The following CIMIP6 variants were observed in gnomAD, a reference collection of about 807,000 sequenced individuals.
CIMIP6 encodes the protein uncharacterized protein C2orf73.
the CIMIP6 span, among the ~76,000 whole-genome samples, chr2:54,371,927 C>T: frequency 6.6e-6 from 1 of 152,150 alleles, no homozygotes; most frequent in African/African-American, 2.4e-5. Context: ...GGGTCTGGGT[C>T]CTTTATCTGT....
At chr2:54,374,520 G>C in the CIMIP6 span, among the ~76,000 whole-genome samples, 2 of 152,188 alleles carry the variant, frequency 1.3e-5, no homozygotes, top group African/African-American at 4.8e-5. Context: ...AATGCTTACA[G>C]AACCAATAAT....
chr2:54,378,627 A>G, the CIMIP6 span, among the ~76,000 whole-genome samples: 1 of 152,242 alleles, frequency 6.6e-6, no homozygotes, highest in South Asian at 2.1e-4. Context: ...AATTAACAAT[A>G]AAATGCAGAG....
chr2:54,360,439 C>A, the CIMIP6 span: 1 of 1,594,556 alleles, frequency 6.3e-7, no homozygotes, highest in Non-Finnish European at 8.5e-7. Context: ...GACAGGCAGC[C>A]AAGGCATGCC....
chr2:54,373,716 G>A, the CIMIP6 span, among the ~76,000 whole-genome samples: 2 of 152,182 alleles, frequency 1.3e-5, no homozygotes, highest in Non-Finnish European at 2.9e-5. Context: ...CATGGCATCA[G>A]TGACCTCCAC....
At chr2:54,376,015 C>T in the CIMIP6 span, among the ~76,000 whole-genome samples, 1 of 152,038 alleles carries the variant, frequency 6.6e-6, no homozygotes, top group Non-Finnish European at 1.5e-5. Flanking sequence ...AAAATTTTTA[C>T]AGTGACAAAA....
chr2:54,358,206 C>T, the CIMIP6 span, among the ~76,000 whole-genome samples: 1 of 152,218 alleles, frequency 6.6e-6, no homozygotes, highest in Admixed American at 6.5e-5. Flanking sequence ...ACTACAACTG[C>T]AGCAGCCCTA....
chr2:54,369,138 A>G, the CIMIP6 span, among the ~76,000 whole-genome samples: 1 of 152,172 alleles, frequency 6.6e-6, no homozygotes, highest in Non-Finnish European at 1.5e-5. Context: ...TCCTCTCATG[A>G]CAAGCACTTA....
At chr2:54,360,548 A>T in the CIMIP6 span, 1 of 1,492,966 alleles carries the variant, frequency 6.7e-7, no homozygotes, top group African/African-American at 1.4e-5. Context: ...TCCACCAATT[A>T]AAAAATCAGA....
the CIMIP6 span, among the ~76,000 whole-genome samples, chr2:54,355,977 G>C: frequency 6.6e-6 from 1 of 152,168 alleles, no homozygotes; most frequent in African/African-American, 2.4e-5. Flanking sequence ...AAAGGCTGAA[G>C]ACCAGGGTCT....
chr2:54,380,404 C>G, the CIMIP6 span, among the ~76,000 whole-genome samples: 241 of 152,212 alleles, frequency 1.6e-3, no homozygotes, highest in Non-Finnish European at 2.8e-3. Context: ...CCCCAACCCC[C>G]CTGCACTGCC....
chr2:54,343,657 C>T, the CIMIP6 span: 1 of 1,227,056 alleles, frequency 8.1e-7, no homozygotes, highest in Non-Finnish European at 1.1e-6. Context: ...CCATAGACAT[C>T]AAGCAATACA....
At chr2:54,381,847 T>A in the CIMIP6 span, 26 of 1,536,920 alleles carry the variant, frequency 1.7e-5, no homozygotes, top group Non-Finnish European at 2.6e-6. Context: ...TCCTTCCAGA[T>A]GAAACCTTGA....
chr2:54,357,732 A>G, the CIMIP6 span, among the ~76,000 whole-genome samples: 1 of 141,312 alleles, frequency 7.1e-6, no homozygotes, highest in South Asian at 2.3e-4. Flanking sequence ...GTTCACCACC[A>G]CGCCCAGCTA....
chr2:54,374,018 C>T, the CIMIP6 span, among the ~76,000 whole-genome samples: 2 of 152,226 alleles, frequency 1.3e-5, no homozygotes, highest in Non-Finnish European at 2.9e-5. Context: ...CATATTTATT[C>T]CTGGCTATTA....
the CIMIP6 span, among the ~76,000 whole-genome samples, chr2:54,379,102 C>CA: frequency 6.6e-6 from 1 of 152,110 alleles, no homozygotes; most frequent in African/African-American, 2.4e-5. Context: ...TAGATATCAG[C>CA]AAAAAGTAGC....
chr2:54,366,489 T>C, the CIMIP6 span, among the ~76,000 whole-genome samples: 1 of 152,180 alleles, frequency 6.6e-6, no homozygotes, highest in Non-Finnish European at 1.5e-5. Flanking sequence ...GATTGAGCAT[T>C]TTCTAGGATT....
chr2:54,357,359 G>A, the CIMIP6 span, among the ~76,000 whole-genome samples: 2 of 152,060 alleles, frequency 1.3e-5, no homozygotes, highest in Non-Finnish European at 2.9e-5. Flanking sequence ...AATTTTAAAG[G>A]TGTGATTTTT....
the CIMIP6 span, chr2:54,360,225 G>C: frequency 6.3e-7 from 1 of 1,598,116 alleles, no homozygotes; most frequent in African/African-American, 1.4e-5. Context: ...TTTGTACAGA[G>C]AGAGATAAAA....
the CIMIP6 span, among the ~76,000 whole-genome samples, chr2:54,382,228 C>T: frequency 6.6e-6 from 1 of 152,148 alleles, no homozygotes; most frequent in Non-Finnish European, 1.5e-5. Context: ...TTCTAAATCA[C>T]TATATTGTTA....
Sources: gnomAD v4.1 joint callset for allele counts (sites outside exome capture counted in the v4.1 genomes callset) on GRCh38, gnomAD v4.1.1 for gene constraint, MANE v1.5 for transcripts, NCBI Gene and HGNC (gene_info 2026-07-23, HGNC 2026-07-21) for gene names.